The following PODXL variants were observed in gnomAD, a reference collection of about 807,000 sequenced individuals.
PODXL encodes podocalyxin like, also known as podocalyxin.
A neutral mutation model predicts 48.9 loss-of-function variants in PODXL; 20 were observed. The observed-to-expected ratio is 0.41, with a 90% CI of 0.29 to 0.59. PODXL has a LOEUF of 0.59. Among genes scored for constraint, PODXL ranks in the 20% least tolerant of loss-of-function variants. PODXL has a pLI of 0.31. For synonymous variants in PODXL, 295 were observed against 287.4 expected (o/e 1.03, Z -0.27); for missense variants, 606 against 675.1 (o/e 0.90, Z 1.13).
At chr7:131,552,956 A>AT (rs1343843285) in intron 1 of PODXL, among the ~76,000 whole-genome samples, 1 of 151,838 alleles carries the variant, frequency 6.6e-6, no homozygotes. Flanking sequence ...TGCCCAGCTA[A>AT]TTTTTTTGTC....
At chr7:131,551,902 A>T (rs1798674393) in intron 1 of PODXL, among the ~76,000 whole-genome samples, 1 of 148,986 alleles carries the variant, frequency 6.7e-6, no homozygotes, top group African/African-American at 2.5e-5. Flanking sequence ...ACGCCACTGC[A>T]GTCCAGCCTG....
At chr7:131,532,517 T>TTGAG (rs1308676996) in intron 1 of PODXL, among the ~76,000 whole-genome samples, 1 of 45,954 alleles carries the variant, frequency 2.2e-5, no homozygotes, top group African/African-American at 5.1e-5. Flanking sequence ...ATCTTTTTTT[T>TTGAG]GGAGGGGGGG....
At position 131,518,577 on chromosome 7, in the gene PODXL, TG is replaced by T. The variant is rs558658130; in HGVS notation, c.101-7145del. On this transcript the variant is annotated intron_variant, in intron 1 of 8. Transcript: ENST00000378555. ...ATGACTGGCACCATGGGGAATCCCC[TG>T]GGTTCTAGCCATATTCCTTCCTGCT... is the stretch of plus-strand genomic sequence containing the variant. 7.9e-5 allele frequency among the ~76,000 whole-genome samples: 12 copies of T among 152,102 alleles called. No homozygotes were observed. The South Asian group carries it at 2.5e-3, about 31-fold the overall frequency.
chr7:131,506,141 CGCCCTCTT>C, intron 7 of PODXL, 106 bp from the exon 8 acceptor site: 1 of 1,543,708 alleles, frequency 6.5e-7, no homozygotes, highest in Admixed American at 1.7e-5. Flanking sequence ...TCCGTGCCGC[CGCCCTCTT>C]CTACATGCAG....
chr7:131,531,133 A>G (rs1798274352), intron 1 of PODXL, among the ~76,000 whole-genome samples: 1 of 152,052 alleles, frequency 6.6e-6, no homozygotes, highest in Non-Finnish European at 1.5e-5. Flanking sequence ...GCTCTTGCTT[A>G]GCTGGGCACT....
rs1274713126 is a variant in PODXL at position 131,510,294 on chromosome 7, A to C, written c.744T>G (p.Leu248=). ...TVFHHVSQAG[L]ELLTSGDLPT... Reference sequence around the variant, plus strand: ...GCAGATCACCCGAGGTCAGGAGTTCAAGACCAGCCTGGCTGACATGGTGAA... The same window carrying C: ...GCAGATCACCCGAGGTCAGGAGTTCCAGACCAGCCTGGCTGACATGGTGAA... Residue 248 remains leucine (L), a synonymous_variant, in exon 3 of 9, where the codon CTT becomes CTG. Transcript: ENST00000378555. The C allele has an allele frequency of 1.1e-5, 4 of 368,592 alleles. No individual in the cohort carries two copies. Among genetic ancestry groups the C allele is most frequent in the South Asian group, 7.4e-5 (4 of 53,732 alleles). The allele number at this position is 368,592 out of a possible 1,614,324, so 22.8% of individuals were successfully genotyped here.
At chr7:131,535,968 G>A (rs886481705) in intron 1 of PODXL, among the ~76,000 whole-genome samples, 4 of 152,138 alleles carry the variant, frequency 2.6e-5, no homozygotes, top group Non-Finnish European at 5.9e-5. Flanking sequence ...ATGTTATCCA[G>A]GCTGGTCTCA....
chr7:131,530,077 G>C (rs1798251419), intron 1 of PODXL, among the ~76,000 whole-genome samples: 1 of 152,132 alleles, frequency 6.6e-6, no homozygotes, highest in African/African-American at 2.4e-5. Context: ...AGGGGGTGCA[G>C]GGAGCTGCTA....
intron 1 of PODXL, among the ~76,000 whole-genome samples, chr7:131,512,400 A>G (rs903606161): frequency 6.6e-6 from 1 of 152,184 alleles, no homozygotes; most frequent in Admixed American, 6.5e-5. Flanking sequence ...GGGAGGGACC[A>G]TGTCGAATGA....
At chr7:131,542,850 C>T (rs1798505864) in intron 1 of PODXL, among the ~76,000 whole-genome samples, 1 of 152,170 alleles carries the variant, frequency 6.6e-6, no homozygotes, top group African/African-American at 2.4e-5. Context: ...GAGGCAGAGC[C>T]AGGATCACAG....
At position 131,556,438 on chromosome 7, in the gene PODXL, G is replaced by A. The variant is rs1755998612; in HGVS notation, c.-79C>T. On this transcript the variant is annotated 5_prime_UTR_variant, in exon 1 of 9. Coordinates refer to ENST00000378555, the MANE Select transcript of PODXL (RefSeq NM_001018111.3). Reference sequence around the variant, plus strand: ...CGCGCGTCCGGGCGGTAGGAGCGTGGGCGCCGCCCGGGGAGGCCTGTGGGT... The same window carrying A: ...CGCGCGTCCGGGCGGTAGGAGCGTGAGCGCCGCCCGGGGAGGCCTGTGGGT... 1.2e-5 allele frequency: 16 copies of A among 1,295,024 alleles called. No homozygotes were observed. The highest frequency in any genetic ancestry group is 1.6e-5 in the Non-Finnish European group (16 of 1,022,292). The allele number at this position is 1,295,024 out of a possible 1,614,324, so 80.2% of individuals were successfully genotyped here.
At chr7:131,539,176 A>G (rs2116849604) in intron 1 of PODXL, among the ~76,000 whole-genome samples, 1 of 152,346 alleles carries the variant, frequency 6.6e-6, no homozygotes, top group East Asian at 1.9e-4. Flanking sequence ...AAATGACCAC[A>G]TCCAAGATGT....
intron 1 of PODXL, among the ~76,000 whole-genome samples, chr7:131,545,634 C>T (rs1562918161): frequency 3.9e-5 from 6 of 152,062 alleles, no homozygotes. Flanking sequence ...CGATGTTCTA[C>T]TAAAAAGAGG....
intron 1 of PODXL, among the ~76,000 whole-genome samples, chr7:131,522,316 G>A (rs1439164758): frequency 6.6e-6 from 1 of 152,162 alleles, no homozygotes; most frequent in Non-Finnish European, 1.5e-5. Context: ...GCCAGGCTTG[G>A]TGGCACATAC....
At chr7:131,533,369 C>A (rs1308250745) in intron 1 of PODXL, among the ~76,000 whole-genome samples, 1 of 152,190 alleles carries the variant, frequency 6.6e-6, no homozygotes, top group African/African-American at 2.4e-5. Flanking sequence ...CTGAGAGCTG[C>A]CCCCTTAGGG....
In PODXL at chr7:131,556,582, G is replaced by C; in HGVS notation, c.-223C>G. ...GAGCCAGTGGCAGAGGAGCGGCGGC[G>C]GCGGCGGCTGCGTCCTGGGCGGCGT... is the stretch of plus-strand genomic sequence containing the variant. On this transcript the variant is annotated 5_prime_UTR_variant, in exon 1 of 9. Transcript: ENST00000378555. 4.9e-6 allele frequency: 2 copies of C among 404,254 alleles called. No homozygotes were observed. The highest frequency in any genetic ancestry group is 7.9e-6 in the Non-Finnish European group (2 of 251,642). The allele number at this position is 404,254 out of a possible 1,614,324, so 25.0% of individuals were successfully genotyped here. A position where few individuals can be genotyped will look rare whatever the true frequency, so the allele number is the denominator to read the frequency against.
chr7:131,556,322 A>T lies in PODXL; in HGVS notation c.38T>A (p.Leu13Gln). The change falls in exon 1 of 9, where the codon CTG becomes CAG. Residue 13 changes from leucine (L) to glutamine (Q), a missense_variant. By Grantham distance (113) the Leu-to-Gln change is moderately radical (BLOSUM62 -2). Transcript: ENST00000378555. ...CGGCAGCAGCGGCGGCGTTGACAAC[A>T]GTAGCAGCAGCGCCGAGAGCGCCAG... is the stretch of plus-strand genomic sequence containing the variant. ...CALALSALLL[L>Q]LSTPPLLPSS... is the part of the protein sequence containing the mutation. 6.7e-7 allele frequency: 1 copy of T among 1,498,440 alleles called. No individual in the cohort carries two copies. Among genetic ancestry groups the T allele is most frequent in the Non-Finnish European group, 8.9e-7 (1 of 1,126,676 alleles). The allele number at this position is 1,498,440 out of a possible 1,614,324, so 92.8% of individuals were successfully genotyped here.
chr7:131,539,693 G>T (rs1798443398), intron 1 of PODXL, among the ~76,000 whole-genome samples: 1 of 152,208 alleles, frequency 6.6e-6, no homozygotes, highest in Non-Finnish European at 1.5e-5. Flanking sequence ...GGCGGGGCTG[G>T]AAGAAGGGGC....
intron 1 of PODXL, among the ~76,000 whole-genome samples, chr7:131,515,147 C>T (rs985287351): frequency 3.3e-5 from 5 of 151,980 alleles, no homozygotes; most frequent in African/African-American, 4.8e-5. Context: ...CTCCTGACGG[C>T]GACAAAATCA....
Sources: gnomAD v4.1 joint callset for allele counts (sites outside exome capture counted in the v4.1 genomes callset) on GRCh38, gnomAD v4.1.1 for gene constraint, MANE v1.5 for transcripts, NCBI Gene and HGNC (gene_info 2026-07-23, HGNC 2026-07-21) for gene names.